Variants in LPCAT2 observed in about 807,000 individuals in gnomAD.
LPCAT2 encodes lysophosphatidylcholine acyltransferase 2, also known as 1-AGP acyltransferase 11.
In LPCAT2, 58 loss-of-function variants were observed where a neutral mutation model predicts 64.7. That is an observed-to-expected ratio of 0.90 (90% CI 0.73 to 1.12). The LOEUF (loss-of-function observed/expected upper bound fraction) is 1.12. LPCAT2 is among the 50% of genes most tolerant of loss of function. The pLI is 0.00. For missense variants in LPCAT2, 579 were observed against 669.8 expected (o/e 0.86, Z 1.50); for synonymous variants, 252 against 245.3 (o/e 1.03, Z -0.26).
chr16:55,520,396 C>T (rs1313606136), intron 1 of LPCAT2, among the ~76,000 whole-genome samples: 2 of 151,930 alleles, frequency 1.3e-5, no homozygotes, highest in African/African-American at 4.8e-5. Flanking sequence ...ATTGAGAAAA[C>T]TAAACAAAGA....
At chr16:55,517,805 G>A (rs1963035091) in intron 1 of LPCAT2, among the ~76,000 whole-genome samples, 1 of 152,142 alleles carries the variant, frequency 6.6e-6, no homozygotes, top group Admixed American at 6.5e-5. Context: ...GAATGGAAAG[G>A]AATTTCCTCA....
chr16:55,551,280 G>T (rs994639256), intron 11 of LPCAT2, 178 bp downstream of exon 11: 14 of 368,350 alleles, frequency 3.8e-5, no homozygotes, highest in Non-Finnish European at 6.3e-5. Flanking sequence ...ATAATTGTGT[G>T]TGTGTATTGT....
intron 11 of LPCAT2, among the ~76,000 whole-genome samples, chr16:55,562,529 A>C (rs1963647672): frequency 6.6e-6 from 1 of 151,892 alleles, no homozygotes; most frequent in Non-Finnish European, 1.5e-5. Flanking sequence ...AATGAAACCT[A>C]AATACTAAAA....
intron 1 of LPCAT2, among the ~76,000 whole-genome samples, chr16:55,521,796 C>A (rs1427832332): frequency 6.6e-6 from 1 of 151,380 alleles, no homozygotes; most frequent in African/African-American, 2.4e-5. Flanking sequence ...AATTCAATAC[C>A]CACTAGTGAT....
At chr16:55,578,488 T>G (rs1346100041) in intron 12 of LPCAT2, among the ~76,000 whole-genome samples, 2 of 152,158 alleles carry the variant, frequency 1.3e-5, no homozygotes, top group Non-Finnish European at 2.9e-5. Context: ...ATGCAAGTCT[T>G]GTCTTTGCTT....
chr16:55,539,668 C>T (rs543278214), intron 8 of LPCAT2: 55 of 152,246 alleles, frequency 3.6e-4, no homozygotes, highest in African/African-American at 1.3e-3. Flanking sequence ...TCTGTAAGAG[C>T]TGGGCCATCT....
intron 1 of LPCAT2, among the ~76,000 whole-genome samples, chr16:55,523,418 C>G (rs1247989234): frequency 1.3e-5 from 2 of 151,648 alleles, no homozygotes; most frequent in Non-Finnish European, 3.0e-5. Context: ...GTTAAACATG[C>G]CCTATGACCC....
intron 8 of LPCAT2, chr16:55,541,658 G>A (rs1355934481): frequency 7.5e-6 from 2 of 265,354 alleles, no homozygotes; most frequent in South Asian, 3.9e-5. Flanking sequence ...TTCTAATCCT[G>A]TTACTACCTA....
chr16:55,541,286 G>A (rs1720492241), intron 8 of LPCAT2: 1 of 151,946 alleles, frequency 6.6e-6, no homozygotes, highest in Non-Finnish European at 1.5e-5. Context: ...GTAATAGAAA[G>A]GTTTGTTTTT....
At chr16:55,523,961 G>A (rs186681465) in intron 1 of LPCAT2, among the ~76,000 whole-genome samples, 4 of 151,886 alleles carry the variant, frequency 2.6e-5, no homozygotes, top group South Asian at 2.1e-4. Context: ...ATGCAAGGAT[G>A]TACAGCAGCT....
chr16:55,554,286 A>G (rs1281353174), intron 11 of LPCAT2, among the ~76,000 whole-genome samples: 1 of 152,188 alleles, frequency 6.6e-6, no homozygotes, highest in Non-Finnish European at 1.5e-5. Context: ...TTCTTTCATT[A>G]AAAGGCCATT....
At chr16:55,512,355 T>C (rs1245034847) in intron 1 of LPCAT2, among the ~76,000 whole-genome samples, 1 of 152,180 alleles carries the variant, frequency 6.6e-6, no homozygotes, top group Non-Finnish European at 1.5e-5. Context: ...GAAGGCACTA[T>C]AGAGCAACAC....
chr16:55,548,553 C>T (rs1034001579), intron 9 of LPCAT2, among the ~76,000 whole-genome samples: 3 of 151,954 alleles, frequency 2.0e-5, no homozygotes, highest in African/African-American at 7.3e-5. Flanking sequence ...TATGGGGTTT[C>T]CCTCTGTCAC....
chr16:55,558,297 C>T (rs994907753), intron 11 of LPCAT2, among the ~76,000 whole-genome samples: 2 of 152,216 alleles, frequency 1.3e-5, no homozygotes, highest in African/African-American at 4.8e-5. Flanking sequence ...AATTATAGCA[C>T]AATCATTTTT....
chr16:55,534,939 A>G (rs1051721413), intron 7 of LPCAT2, among the ~76,000 whole-genome samples: 2 of 152,200 alleles, frequency 1.3e-5, no homozygotes, highest in African/African-American at 4.8e-5. Context: ...CCAAGATTTC[A>G]GTTCTGCTCT....
intron 9 of LPCAT2, among the ~76,000 whole-genome samples, chr16:55,546,509 T>G (rs1963455244): frequency 6.6e-6 from 1 of 152,180 alleles, no homozygotes; most frequent in Non-Finnish European, 1.5e-5. Flanking sequence ...ATTGTCTTAG[T>G]AAAAATTCAA....
At position 55,529,924 on chromosome 16, in the gene LPCAT2, A is replaced by G; in HGVS notation, c.619A>G (p.Thr207Ala). Reference protein sequence around the residue: ...NTINEIIKRTTSGGEWPQILV... With the variant: ...NTINEIIKRTASGGEWPQILV... ...AATAAATGAAATAATAAAGCGAACAACATCAGGAGGAGAATGGCCCCAGGT... is the reference window on the plus strand; with the variant it reads ...AATAAATGAAATAATAAAGCGAACAGCATCAGGAGGAGAATGGCCCCAGGT... The change falls in exon 4 of 14, where the codon ACA (threonine) becomes GCA (alanine). Residue 207 changes from threonine to alanine, a missense_variant. Coordinates refer to ENST00000262134, the MANE Select transcript of LPCAT2 (RefSeq NM_017839.5). The G allele has an allele frequency of 6.2e-7, 1 of 1,611,092 alleles. No individual in the cohort carries two copies. The highest frequency in any genetic ancestry group is 8.5e-7 in the Non-Finnish European group (1 of 1,178,728).
In LPCAT2 at chr16:55,529,905, T is replaced by C; in HGVS notation, c.600T>C (p.Asn200=). 1 of 1,457,774 alleles carries C rather than the reference T, an allele frequency of 6.9e-7. No individual in the cohort carries two copies. The highest frequency in any genetic ancestry group is 9.1e-7 in the Non-Finnish European group (1 of 1,098,496). 90.3% of individuals were successfully genotyped at this position (1,457,774 alleles called of 1,614,324 possible). A position where few individuals can be genotyped will look rare whatever the true frequency, so the allele number is the denominator to read the frequency against. The change falls in exon 4 of 14, where the codon AAT becomes AAC. Residue 200 remains asparagine (N), a synonymous_variant. Coordinates refer to ENST00000262134, the MANE Select transcript of LPCAT2 (RefSeq NM_017839.5). ...VDPDSRKNTI[N]EIIKRTTSGG... Reference sequence around the variant, plus strand: ...CGGATTCCCGAAAAAACACAATAAATGAAATAATAAAGCGAACAACATCAG... The same window carrying C: ...CGGATTCCCGAAAAAACACAATAAACGAAATAATAAAGCGAACAACATCAG...
intron 8 of LPCAT2, chr16:55,539,682 A>G (rs1963372554): frequency 6.6e-6 from 1 of 152,096 alleles, no homozygotes; most frequent in Admixed American, 6.6e-5. Flanking sequence ...GCCATCTCTG[A>G]GGCTCCAGCT....
Sources: allele counts gnomAD v4.1 joint callset (sites outside exome capture counted in the v4.1 genomes callset), GRCh38; gene constraint gnomAD v4.1.1; transcripts MANE v1.5; gene names NCBI Gene and HGNC (gene_info 2026-07-23, HGNC 2026-07-21).